FMN1: variants seen among roughly 807,000 people sequenced by gnomAD.
FMN1 encodes the protein formin-1.
In FMN1, 110 loss-of-function variants were observed where a neutral mutation model predicts 132.4. That is an observed-to-expected ratio of 0.83 (90% confidence interval 0.71 to 0.97). The LOEUF (loss-of-function observed/expected upper bound fraction) is 0.97. FMN1 is among the 50% of genes least tolerant of loss of function. The pLI is 0.00. For synonymous variants in FMN1, 722 were observed against 651.7 expected (o/e 1.11, Z -1.64); for missense variants, 1,792 against 1,705.3 (o/e 1.05, Z -0.90).
At chr15:33,108,352 G>C (rs1195320441) in intron 4 of FMN1, among the ~76,000 whole-genome samples, 3 of 152,044 alleles carry the variant, frequency 2.0e-5, no homozygotes, top group East Asian at 1.9e-4. Flanking sequence ...CAGTGGGTGT[G>C]AATCTTCTAT....
intron 5 of FMN1, among the ~76,000 whole-genome samples, chr15:33,082,224 C>CGTGG (rs1404304974): frequency 6.6e-6 from 1 of 151,860 alleles, no homozygotes; most frequent in Non-Finnish European, 1.5e-5. Flanking sequence ...AGGCGCCCAC[C>CGTGG]GCCACGGTCG....
At chr15:32,967,680 G>T (rs2140640900) in intron 8 of FMN1, among the ~76,000 whole-genome samples, 1 of 152,276 alleles carries the variant, frequency 6.6e-6, no homozygotes, top group South Asian at 2.1e-4. Flanking sequence ...TTATTTTTTG[G>T]TGAGAGGAAA....
intron 7 of FMN1, among the ~76,000 whole-genome samples, chr15:32,974,961 C>A (rs2032085716): frequency 6.6e-6 from 1 of 152,188 alleles, no homozygotes; most frequent in African/African-American, 2.4e-5. Context: ...CATGGCTCTT[C>A]AAAACTTGGC....
intron 5 of FMN1, among the ~76,000 whole-genome samples, chr15:33,074,039 C>T (rs2038102522): frequency 6.6e-6 from 1 of 152,074 alleles, no homozygotes; most frequent in Non-Finnish European, 1.5e-5. Context: ...CCTGGCTTGA[C>T]CTTTTGTTTT....
chr15:32,981,838 ATTG>A (rs1300200517), intron 7 of FMN1, among the ~76,000 whole-genome samples: 5 of 152,130 alleles, frequency 3.3e-5, no homozygotes, highest in African/African-American at 1.2e-4. Flanking sequence ...AACATATACA[ATTG>A]TTGTCAACTA....
intron 17 of FMN1, among the ~76,000 whole-genome samples, chr15:32,845,407 T>TGAGGTTAAGCTGTTACCC (rs2058833259): frequency 6.6e-6 from 1 of 152,218 alleles, no homozygotes; most frequent in Non-Finnish European, 1.5e-5. Context: ...AAGGAATCTT[T>TGAGGTTAAGCTGTTACCC]GAGGTTAAGC....
chr15:32,942,649 A>G (rs1163936643), intron 9 of FMN1, among the ~76,000 whole-genome samples: 1 of 152,218 alleles, frequency 6.6e-6, no homozygotes, highest in Non-Finnish European at 1.5e-5. Context: ...GACACCAAAC[A>G]CATTCATACC....
intron 5 of FMN1, among the ~76,000 whole-genome samples, chr15:33,079,825 G>A (rs956120986): frequency 3.3e-5 from 5 of 152,128 alleles, no homozygotes; most frequent in African/African-American, 1.2e-4. Context: ...AAGTAAATCA[G>A]ATTACTTTTT....
intron 17 of FMN1, among the ~76,000 whole-genome samples, chr15:32,831,606 C>T (rs1346179666): frequency 2.0e-5 from 3 of 152,076 alleles, no homozygotes; most frequent in African/African-American, 7.2e-5. Context: ...GGGAGGCAAT[C>T]ATGAGACTCC....
chr15:33,100,171 T>C (rs539217804), intron 4 of FMN1, among the ~76,000 whole-genome samples: 14 of 151,878 alleles, frequency 9.2e-5, no homozygotes, highest in Admixed American at 3.3e-4. Context: ...AATGAATCTT[T>C]TTGGTAGAAT....
intron 7 of FMN1, among the ~76,000 whole-genome samples, chr15:32,983,898 T>G (rs55858264): frequency 0.044 from 6,715 of 152,234 alleles, 211 homozygotes; most frequent in Middle Eastern, 0.11. Context: ...TCTAAGATGG[T>G]ACTGCCACAT....
At chr15:33,183,722 G>A (rs1402995030) in intron 2 of FMN1, among the ~76,000 whole-genome samples, 4 of 152,190 alleles carry the variant, frequency 2.6e-5, no homozygotes, top group Admixed American at 2.0e-4. Flanking sequence ...ATTCATTTAA[G>A]CATAGAGTTA....
At chr15:32,954,823 T>G (rs958935837) in intron 9 of FMN1, among the ~76,000 whole-genome samples, 1 of 152,182 alleles carries the variant, frequency 6.6e-6, no homozygotes. Flanking sequence ...CTGGCCAACA[T>G]GGTGAAACCC....
rs113185117 is a variant in FMN1, at chr15:32,987,764, T to C, written c.2224-18287A>G. On this transcript the variant is annotated intron_variant, in intron 7 of 20. Transcript: ENST00000616417. ...CACATCAGTGTAACACAGGTAAGAA[T>C]AAAAGCATAGAATTAAATCCGAATA... Among the ~76,000 whole-genome samples the C allele has an allele frequency of 4.2e-3, 637 of 152,258 alleles. 4 individuals are homozygous for C. Among genetic ancestry groups the C allele is most frequent in the African/African-American group, 0.015 (619 of 41,568 alleles).
rs577825744 is a variant in FMN1, at chr15:33,041,477, A to G, written c.2161+23480T>C. On this transcript the variant is annotated intron_variant, in intron 6 of 20. Transcript: ENST00000616417. ...TCGACGTTCCTCACCAGTAAACAAA[A>G]AAAAAAAAGACTGGAAAAAAATAGT... 4.0e-4 allele frequency among the ~76,000 whole-genome samples: 61 copies of G among 151,540 alleles called. 2 individuals carry two copies. In the South Asian group the frequency reaches 0.012, roughly 29 times the overall value.
At chr15:32,917,892 A>C (rs1422051367) in intron 10 of FMN1, among the ~76,000 whole-genome samples, 13 of 152,236 alleles carry the variant, frequency 8.5e-5, no homozygotes, top group Non-Finnish European at 7.3e-5. Context: ...CAGAGTGGGA[A>C]GCACATACAG....
intron 16 of FMN1, chr15:32,860,690 T>C (rs2059248894): frequency 6.6e-6 from 1 of 152,152 alleles, no homozygotes; most frequent in Non-Finnish European, 1.5e-5. Context: ...ATATTAGCAA[T>C]GTTGACCCAG....
At chr15:32,985,904 A>T (rs1332553987) in intron 7 of FMN1, among the ~76,000 whole-genome samples, 1 of 152,184 alleles carries the variant, frequency 6.6e-6, no homozygotes, top group Non-Finnish European at 1.5e-5. Context: ...GAATTTTTAT[A>T]GTTCTAAATA....
intron 7 of FMN1, among the ~76,000 whole-genome samples, chr15:32,989,003 G>A (rs951178993): frequency 6.6e-6 from 1 of 152,206 alleles, no homozygotes; most frequent in Non-Finnish European, 1.5e-5. Flanking sequence ...TCTCCCAGCA[G>A]AAAGTCATAA....
Sources: gnomAD v4.1 joint callset for allele counts (sites outside exome capture counted in the v4.1 genomes callset) on GRCh38, gnomAD v4.1.1 for gene constraint, MANE v1.5 for transcripts, NCBI Gene and HGNC (gene_info 2026-07-23, HGNC 2026-07-21) for gene names.